Variants in TRA2B observed in about 807,000 individuals in gnomAD.
The protein encoded by TRA2B is transformer-2 protein homolog beta.
Under a neutral mutation model 41.7 loss-of-function variants are expected in TRA2B, and 14 were observed. The ratio of observed to expected loss-of-function variants is 0.34; its 90% CI spans 0.22 to 0.53. The LOEUF (loss-of-function observed/expected upper bound fraction) is 0.53. Among genes scored for constraint, TRA2B ranks in the 20% least tolerant of loss-of-function variants. The pLI is 0.95. For missense variants in TRA2B, 167 were observed against 396.8 expected, an observed-to-expected ratio of 0.42 and a Z score of 4.92; for synonymous variants, 130 against 128.8, an observed-to-expected ratio of 1.01 and a Z score of -0.06.
intron 6 of TRA2B, among the ~76,000 whole-genome samples, chr3:185,919,866 G>T (rs1320767679): frequency 6.6e-6 from 1 of 152,120 alleles, no homozygotes; most frequent in African/African-American, 2.4e-5. Context: ...TTCAGACAAT[G>T]ACTGACAACT....
chr3:185,927,834 A>C (rs548894899), intron 1 of TRA2B: 2 of 152,418 alleles, frequency 1.3e-5, no homozygotes, highest in South Asian at 2.1e-4. Context: ...AGGAAAGGAC[A>C]GAACCTACTC....
intron 8 of TRA2B, among the ~76,000 whole-genome samples, chr3:185,918,019 T>A (rs1395615289): frequency 6.6e-6 from 1 of 151,956 alleles, no homozygotes; most frequent in Non-Finnish European, 1.5e-5. Context: ...AGCTACTAAA[T>A]GGTGGAAATA....
rs4686710 is a variant in TRA2B at position 185,915,348 on chromosome 3, T to C, written c.*2367A>G. ...AGCTATAAGAAATGGATTGTTTGTA[T>C]TGGCATATAAAAGCCTCCAAGTCCC... On this transcript the variant is annotated 3_prime_UTR_variant, in exon 9 of 9. Coordinates refer to ENST00000453386, the MANE Select transcript of TRA2B (RefSeq NM_004593.3). 0.26 allele frequency among the ~76,000 whole-genome samples: 39,009 copies of C among 152,170 alleles called. 6,258 individuals carry two copies. Among genetic ancestry groups the C allele is most frequent in the East Asian group, 0.46 (2,378 of 5,172 alleles).
At chr3:185,928,037 AG>A (rs1471496745) in intron 1 of TRA2B, 6 of 152,228 alleles carry the variant, frequency 3.9e-5, no homozygotes, top group Admixed American at 6.5e-5. Context: ...AAATCACAAG[AG>A]ATTTCCTTGT....
Position 185,937,933 on chromosome 3 carries a change from G to C in TRA2B, c.-73C>G. On this transcript the variant is annotated 5_prime_UTR_variant, in exon 1 of 9. Transcript: ENST00000453386. ...AACCTCTTGCACCTTCCTTAAGGAG[G>C]CTCCGCCGCAGCCCCGCACGACGCG... The C allele has an allele frequency of 1.3e-6, 2 of 1,584,760 alleles. No homozygotes were observed. Among genetic ancestry groups the C allele is most frequent in the Non-Finnish European group, 8.6e-7 (1 of 1,160,298 alleles).
At chr3:185,934,602 C>T in intron 1 of TRA2B, 1 of 985,390 alleles carries the variant, frequency 1.0e-6, no homozygotes, top group Non-Finnish European at 1.2e-6. Context: ...TCCTATTTGA[C>T]AATTCAATCC....
chr3:185,921,007 A>G (rs1440781225), intron 6 of TRA2B, 97 bp downstream of exon 6: 2 of 1,035,728 alleles, frequency 1.9e-6, no homozygotes, highest in African/African-American at 3.2e-5. Flanking sequence ...TAAAAGTACT[A>G]AAGCAAAGCT....
At position 185,917,659 on chromosome 3, in the gene TRA2B, T is replaced by C; in HGVS notation, c.*56A>G. ...TTTTTAAACAAGAGACAATAAAAAA[T>C]ATTGCCCACAAACAATATCCCAGCT... On this transcript the variant is annotated 3_prime_UTR_variant, in exon 9 of 9. Coordinates refer to ENST00000453386, the MANE Select transcript of TRA2B (RefSeq NM_004593.3). 1 of 1,596,592 alleles carries C rather than the reference T, an allele frequency of 6.3e-7. No individual in the cohort carries two copies. Among genetic ancestry groups the C allele is most frequent in the East Asian group, 2.2e-5 (1 of 44,704 alleles).
At position 185,920,927 on chromosome 3, in the gene TRA2B, T is replaced by C. The variant is rs566383855; in HGVS notation, c.722+177A>G. On this transcript the variant is annotated intron_variant, in intron 6 of 8. Coordinates refer to ENST00000453386, the MANE Select transcript of TRA2B (RefSeq NM_004593.3). Reference sequence around the variant, plus strand: ...CTAGAATATTTGAACAGAAATCCAGTTACACATTAAATTGATTAAGACACA... The same window carrying C: ...CTAGAATATTTGAACAGAAATCCAGCTACACATTAAATTGATTAAGACACA... Among the ~76,000 whole-genome samples the C allele has an allele frequency of 5.3e-5, 8 of 151,696 alleles. No homozygotes were observed. The East Asian group carries it at 7.7e-4, about 15-fold the overall frequency.
intron 5 of TRA2B, 67 bp from the exon 6 acceptor site, chr3:185,921,254 G>C: frequency 2.2e-6 from 3 of 1,366,502 alleles, no homozygotes; most frequent in African/African-American, 1.4e-5. Context: ...ATATCTACTA[G>C]TAGGCCTTTT....
chr3:185,927,492 C>G (rs895526473), intron 1 of TRA2B: 10 of 152,200 alleles, frequency 6.6e-5, no homozygotes, highest in African/African-American at 2.4e-4. Context: ...TTATGGAAAA[C>G]CAGGAATTAA....
At chr3:185,931,958 A>C (rs1578485199) in intron 1 of TRA2B, 1 of 200,432 alleles carries the variant, frequency 5.0e-6, no homozygotes, top group East Asian at 1.0e-4. Flanking sequence ...ATTTGGATTA[A>C]AAAAAAAAAA....
At chr3:185,930,456 T>C (rs1032288254) in intron 1 of TRA2B, among the ~76,000 whole-genome samples, 6 of 152,104 alleles carry the variant, frequency 3.9e-5, no homozygotes, top group African/African-American at 1.2e-4. Context: ...AGAAAATGGA[T>C]TCTCCAAGAA....
intron 7 of TRA2B, among the ~76,000 whole-genome samples, chr3:185,918,788 C>G (rs1743602817): frequency 6.6e-6 from 1 of 152,070 alleles, no homozygotes; most frequent in African/African-American, 2.4e-5. Flanking sequence ...GCAGGAGGAT[C>G]ACTTGAGGCC....
At chr3:185,936,010 A>C in intron 1 of TRA2B, 2 of 985,412 alleles carry the variant, frequency 2.0e-6, no homozygotes, top group Non-Finnish European at 2.4e-6. Flanking sequence ...GAAAATTTCA[A>C]ATTTCTCTTG....
chr3:185,935,333 T>C, intron 1 of TRA2B: 2 of 983,480 alleles, frequency 2.0e-6, no homozygotes, highest in Non-Finnish European at 2.4e-6. Context: ...TGTTAATCTA[T>C]TACCTTTGAG....
rs1292206391 is a variant in TRA2B, at chr3:185,917,457, G to A, written c.*258C>T. 1 of 445,168 alleles carries A rather than the reference G, an allele frequency of 2.2e-6. No homozygotes were observed. 27.6% of individuals were successfully genotyped at this position (445,168 alleles called of 1,614,324 possible). ...AGTTTTGTACAATAGAAACTTCTCA[G>A]CAGTCAAAATTTAGACTGTAAAAAA... On this transcript the variant is annotated 3_prime_UTR_variant, in exon 9 of 9. Transcript: ENST00000453386.
chr3:185,930,143 G>A (rs569194580), intron 1 of TRA2B, among the ~76,000 whole-genome samples: 1 of 152,192 alleles, frequency 6.6e-6, no homozygotes, highest in African/African-American at 2.4e-5. Flanking sequence ...GTCATAACCA[G>A]ATTCCAAATT....
intron 1 of TRA2B, chr3:185,934,282 G>A (rs1254046774): frequency 2.1e-6 from 2 of 964,610 alleles, no homozygotes; most frequent in African/African-American, 1.8e-5. Context: ...GGGCAAAATA[G>A]CTATGAAAGC....
Sources: allele counts gnomAD v4.1 joint callset (sites outside exome capture counted in the v4.1 genomes callset), GRCh38; gene constraint gnomAD v4.1.1; transcripts MANE v1.5; gene names NCBI Gene and HGNC (gene_info 2026-07-23, HGNC 2026-07-21).